IL1RAPL1: variants seen among roughly 807,000 people sequenced by gnomAD.
The protein encoded by IL1RAPL1 is interleukin-1 receptor accessory protein-like 1.
A neutral mutation model predicts 48.4 loss-of-function variants in IL1RAPL1; 3 were observed. The observed-to-expected ratio is 0.06, with a 90% CI of 0.03 to 0.16. The LOEUF is 0.16. Among genes scored for constraint, IL1RAPL1 ranks in the 10% least tolerant of loss-of-function variants. The pLI, the probability that IL1RAPL1 is intolerant of heterozygous loss-of-function variation, is 1.00. For synonymous variants in IL1RAPL1, 185 were observed against 187.7 expected, an observed-to-expected ratio of 0.99 and a Z score of 0.12; for missense variants, 349 against 530.6, an observed-to-expected ratio of 0.66 and a Z score of 3.36.
At position 29,867,150 on chromosome X, in the gene IL1RAPL1, A is replaced by T. The variant is rs1051103301; in HGVS notation, c.779-50314A>T. 5.4e-5 allele frequency among the ~76,000 whole-genome samples: 6 copies of T among 111,830 alleles called. 1 individual carries two copies. Among genetic ancestry groups the T allele is most frequent in the African/African-American group, 9.8e-5 (3 of 30,709 alleles). ...TAATAAAATATATATTGGTAAAAAA[A>T]AAATAAAATTACAAGACTCTTAAAC... is the stretch of plus-strand genomic sequence containing the variant. On this transcript the variant is annotated intron_variant, in intron 6 of 10. Coordinates refer to ENST00000378993, the MANE Select transcript of IL1RAPL1 (RefSeq NM_014271.4).
intron 2 of IL1RAPL1, among the ~76,000 whole-genome samples, chrX:29,182,658 G>A (rs1264252503): frequency 1.8e-5 from 2 of 110,158 alleles, no homozygotes; most frequent in Admixed American, 2.0e-4. Flanking sequence ...TTGTCATTTG[G>A]TAACGGCCAG....
intron 6 of IL1RAPL1, among the ~76,000 whole-genome samples, chrX:29,704,196 C>T (rs1927131318): frequency 9.0e-6 from 1 of 111,110 alleles, no homozygotes. Context: ...TCCCAATGTG[C>T]TGGAATTACA....
In IL1RAPL1 at chrX:29,520,193, T is replaced by C. The variant is rs895682732; in HGVS notation, c.703+120885T>C. Among the ~76,000 whole-genome samples the C allele has an allele frequency of 3.6e-5, 4 of 112,230 alleles. No individual in the cohort carries two copies. The Admixed American group carries it at 3.8e-4, about 11-fold the overall frequency. ...CTATTATTTTAGGCAAATATATTTT[T>C]AATAGGACACAGATAAATTCCCCTT... is the stretch of plus-strand genomic sequence containing the variant. On this transcript the variant is annotated intron_variant, in intron 5 of 10. Coordinates refer to ENST00000378993, the MANE Select transcript of IL1RAPL1 (RefSeq NM_014271.4).
At chrX:29,217,769 TCTCTCTCTCA>T (rs57370257) in intron 2 of IL1RAPL1, among the ~76,000 whole-genome samples, 3,878 of 70,971 alleles carry the variant, frequency 0.055, 229 homozygotes, top group African/African-American at 0.19. Context: ...TCTCTCTCTC[TCTCTCTCTCA>T]CACACACACA....
intron 1 of IL1RAPL1, among the ~76,000 whole-genome samples, chrX:28,726,498 G>T (rs1440062448): frequency 8.9e-6 from 1 of 112,114 alleles, no homozygotes; most frequent in African/African-American, 3.2e-5. Context: ...TGACTGTTGT[G>T]TGGGGATTGT....
At chrX:28,815,839 G>GTATGTGTATATATATATATATA (rs1467095474) in intron 2 of IL1RAPL1, among the ~76,000 whole-genome samples, 1 of 29,106 alleles carries the variant, frequency 3.4e-5, no homozygotes, top group African/African-American at 8.9e-5. Context: ...GTGTGTTTAT[G>GTATGTGTATATATATATATATA]TATATATATA....
At chrX:28,954,386 A>G (rs1362457170) in intron 2 of IL1RAPL1, among the ~76,000 whole-genome samples, 1 of 110,110 alleles carries the variant, frequency 9.1e-6, no homozygotes, top group African/African-American at 3.3e-5. Flanking sequence ...TAAAAAAGAG[A>G]TTTATTTAAT....
intron 3 of IL1RAPL1, among the ~76,000 whole-genome samples, chrX:29,335,227 T>C (rs867326189): frequency 1.1e-5 from 1 of 93,344 alleles, no homozygotes; most frequent in Non-Finnish European, 2.1e-5. Flanking sequence ...CGTCCAGCTT[T>C]GGCTCGGCAT....
intron 1 of IL1RAPL1, among the ~76,000 whole-genome samples, chrX:28,669,426 C>T (rs1280871276): frequency 9.2e-6 from 1 of 109,231 alleles, no homozygotes; most frequent in African/African-American, 3.3e-5. Flanking sequence ...CAAGACCAGA[C>T]TGGCCAACAT....
In IL1RAPL1 at chrX:28,766,765, T is replaced by C. The variant is rs538007039; in HGVS notation, c.-24-22555T>C. On this transcript the variant is annotated intron_variant, in intron 1 of 10. Coordinates refer to ENST00000378993, the MANE Select transcript of IL1RAPL1 (RefSeq NM_014271.4). Reference sequence around the variant, plus strand: ...GAGTTCAATTGTTTTGATTTCTAGATCCCACAAATAAGTGAGAACATTCAA... The same window carrying C: ...GAGTTCAATTGTTTTGATTTCTAGACCCCACAAATAAGTGAGAACATTCAA... Among the ~76,000 whole-genome samples the C allele has an allele frequency of 4.7e-4, 52 of 111,581 alleles. 1 individual carries two copies. The South Asian group carries it at 0.019, about 42-fold the overall frequency.
chrX:29,421,570 G>T (rs1052213571), intron 5 of IL1RAPL1, among the ~76,000 whole-genome samples: 1 of 110,636 alleles, frequency 9.0e-6, no homozygotes, highest in African/African-American at 3.3e-5. Flanking sequence ...GGCAAAGAAG[G>T]CAGAAGGGAA....
intron 2 of IL1RAPL1, among the ~76,000 whole-genome samples, chrX:28,883,394 A>G (rs1922553131): frequency 8.9e-6 from 1 of 112,242 alleles, no homozygotes; most frequent in African/African-American, 3.2e-5. Flanking sequence ...ATTGTCCAAT[A>G]GGGTAATGAC....
intron 2 of IL1RAPL1, among the ~76,000 whole-genome samples, chrX:29,056,764 A>G (rs1346392882): frequency 9.0e-6 from 1 of 111,502 alleles, no homozygotes. Context: ...TGCATTAACT[A>G]TTTTTCCTGA....
chrX:28,648,309 T>C (rs779840890), intron 1 of IL1RAPL1, among the ~76,000 whole-genome samples: 6 of 111,996 alleles, frequency 5.4e-5, no homozygotes, highest in Non-Finnish European at 9.4e-5. Flanking sequence ...CTTTTAAGCC[T>C]GATATCCTCT....
chrX:28,882,897 A>G (rs1299023655), intron 2 of IL1RAPL1, among the ~76,000 whole-genome samples: 2 of 112,101 alleles, frequency 1.8e-5, no homozygotes, highest in Non-Finnish European at 3.8e-5. Context: ...TAATTCTGGT[A>G]TATAATTTAA....
chrX:29,872,003 G>A (rs1400717662), intron 6 of IL1RAPL1, among the ~76,000 whole-genome samples: 4 of 111,853 alleles, frequency 3.6e-5, no homozygotes, highest in African/African-American at 9.8e-5. Context: ...TTACAAATGT[G>A]AGCCACTGTG....
At chrX:28,839,831 A>G (rs1217639176) in intron 2 of IL1RAPL1, among the ~76,000 whole-genome samples, 1 of 111,204 alleles carries the variant, frequency 9.0e-6, no homozygotes, top group Admixed American at 9.6e-5. Context: ...GAGGGAATTC[A>G]TTCATTAGGA....
intron 2 of IL1RAPL1, among the ~76,000 whole-genome samples, chrX:29,053,746 A>G (rs1927149543): frequency 9.0e-6 from 1 of 111,716 alleles, no homozygotes; most frequent in South Asian, 3.8e-4. Flanking sequence ...ATTTTTGTAT[A>G]TGGTGTAAGG....
At chrX:28,716,144 G>A (rs1021025836) in intron 1 of IL1RAPL1, among the ~76,000 whole-genome samples, 1 of 111,992 alleles carries the variant, frequency 8.9e-6, no homozygotes, top group African/African-American at 3.2e-5. Context: ...ATCCCTTCGT[G>A]TTAAAAACTC....
Sources: gnomAD v4.1 joint callset for allele counts (sites outside exome capture counted in the v4.1 genomes callset) on GRCh38, gnomAD v4.1.1 for gene constraint, MANE v1.5 for transcripts, NCBI Gene and HGNC (gene_info 2026-07-23, HGNC 2026-07-21) for gene names.